The following COMMD8 variants were observed in gnomAD, a reference collection of about 807,000 sequenced individuals.
COMMD8 encodes the protein COMM domain-containing protein 8.
A neutral mutation model predicts 27.2 loss-of-function variants in COMMD8; 28 were observed. That is an observed-to-expected ratio of 1.03 (90% CI 0.76 to 1.41). The LOEUF is 1.41. Among genes scored for constraint, COMMD8 ranks in the 40% most tolerant of loss-of-function variants. The probability of loss-of-function intolerance (pLI) is 0.00; values close to 1 mark genes in which losing one functional copy is unlikely to be tolerated. For missense variants in COMMD8, 217 were observed against 211.2 expected, an observed-to-expected ratio of 1.03 and a Z score of -0.17; for synonymous variants, 79 against 75.5, an observed-to-expected ratio of 1.05 and a Z score of -0.24.
At position 47,463,639 on chromosome 4, in the gene COMMD8, CTT is replaced by C. The variant is rs1730135913; in HGVS notation, c.11_12del (p.Glu4GlyfsTer25). 6.5e-7 allele frequency: 1 copy of C among 1,549,212 alleles called. No individual in the cohort carries two copies. Among genetic ancestry groups the C allele is most frequent in the African/African-American group, 1.4e-5 (1 of 72,938 alleles). On this transcript the variant is annotated frameshift_variant, in exon 1 of 5. Transcript: ENST00000381571. LOFTEE classifies it high-confidence loss of function. The stretch of plus-strand genomic sequence containing the variant: ...TGCAGCCGCCACAAGGGCGTCCCCT[CTT>C]CCGGCTCCATCCCTGCGCGAAGCTG... MEP[E>X]EGTPLWRLQK...
chr4:47,462,055 G>A lies in COMMD8; in HGVS notation c.66+1531C>T, dbSNP rs189111855. Among the ~76,000 whole-genome samples the A allele has an allele frequency of 2.6e-5, 4 of 152,252 alleles. No homozygotes were observed. In the East Asian group the frequency reaches 7.7e-4, roughly 29 times the overall value. ...TTGGGGGGTGCCTAGGGGGTGACAG[G>A]AGACAAGGCTGGAGAGGTGGGTGGA... On this transcript the variant is annotated intron_variant, in intron 1 of 4. Coordinates refer to ENST00000381571, the MANE Select transcript of COMMD8 (RefSeq NM_017845.5).
At chr4:47,456,242 T>A (rs942334461) in intron 3 of COMMD8, among the ~76,000 whole-genome samples, 1 of 141,436 alleles carries the variant, frequency 7.1e-6, no homozygotes, top group African/African-American at 2.6e-5. Context: ...GCACGACTCT[T>A]GTCTCAAAAA....
chr4:47,454,691 C>A (rs1044630637), intron 3 of COMMD8, among the ~76,000 whole-genome samples: 8 of 151,784 alleles, frequency 5.3e-5, no homozygotes, highest in African/African-American at 1.9e-4. Context: ...CATGGCAAAA[C>A]CCCATCTCTA....
rs977558398 is a variant in COMMD8, at chr4:47,463,644, G to C, written c.8C>G (p.Pro3Arg). The change falls in exon 1 of 5, where the codon CCG becomes CGG. Residue 3 changes from proline to arginine, a missense_variant. Transcript: ENST00000381571. The stretch of plus-strand genomic sequence containing the variant: ...CCGCCACAAGGGCGTCCCCTCTTCC[G>C]GCTCCATCCCTGCGCGAAGCTGGGG... ME[P>R]EEGTPLWRLQ... The C allele has an allele frequency of 6.5e-7, 1 of 1,549,132 alleles. No individual in the cohort carries two copies. The highest frequency in any genetic ancestry group is 8.7e-7 in the Non-Finnish European group (1 of 1,146,236).
rs1729743979 is a variant in COMMD8 at position 47,451,226 on chromosome 4, A to T, written c.*419T>A. ...ACATTCTTTGAAAAAATTATTTTTTAAAAATATCACAAAGTATATATCCAT... is the reference window on the plus strand; with the variant it reads ...ACATTCTTTGAAAAAATTATTTTTTTAAAATATCACAAAGTATATATCCAT... On this transcript the variant is annotated 3_prime_UTR_variant, in exon 5 of 5. Transcript: ENST00000381571. 1.3e-5 allele frequency: 2 copies of T among 157,374 alleles called. No homozygotes were observed. Among genetic ancestry groups the T allele is most frequent in the African/African-American group, 4.8e-5 (2 of 41,506 alleles). 9.7% of individuals were successfully genotyped at this position (157,374 alleles called of 1,614,324 possible).
intron 4 of COMMD8, among the ~76,000 whole-genome samples, chr4:47,452,024 A>G (rs60707722): frequency 0.043 from 6,607 of 152,330 alleles, 464 homozygotes; most frequent in African/African-American, 0.15. Flanking sequence ...AAGGAGGATC[A>G]AGAAGATTAA....
chr4:47,451,583 T>C lies in COMMD8; in HGVS notation c.*62A>G. ...TCACAAGGTTTCTGAACACGCAGTA[T>C]TCACTCTGCCATATAAGTTGGAGCA... is the stretch of plus-strand genomic sequence containing the variant. On this transcript the variant is annotated 3_prime_UTR_variant, in exon 5 of 5. Transcript: ENST00000381571. The C allele has an allele frequency of 6.9e-6, 9 of 1,312,744 alleles. No individual in the cohort carries two copies. The South Asian group carries it at 9.5e-5, about 14-fold the overall frequency. 81.3% of individuals were successfully genotyped at this position (1,312,744 alleles called of 1,614,324 possible).
intron 3 of COMMD8, among the ~76,000 whole-genome samples, chr4:47,456,315 A>C (rs558360121): frequency 7.7e-6 from 1 of 129,610 alleles, no homozygotes; most frequent in Non-Finnish European, 1.6e-5. Flanking sequence ...TATGTTGACT[A>C]TATGCTGCCC....
intron 3 of COMMD8, among the ~76,000 whole-genome samples, chr4:47,455,275 C>T (rs1729859414): frequency 1.3e-5 from 2 of 152,174 alleles, no homozygotes. Flanking sequence ...CTTGGCTTCC[C>T]AAAGTGCTGG....
At chr4:47,454,979 ATAT>A (rs1729851765) in intron 3 of COMMD8, among the ~76,000 whole-genome samples, 4 of 151,976 alleles carry the variant, frequency 2.6e-5, no homozygotes, top group African/African-American at 9.6e-5. Flanking sequence ...CATTTCTCAT[ATAT>A]GCTACTATTA....
chr4:47,461,086 G>C (rs548220452), intron 1 of COMMD8, among the ~76,000 whole-genome samples: 1 of 152,272 alleles, frequency 6.6e-6, no homozygotes, highest in African/African-American at 2.4e-5. Context: ...GATGGAATAA[G>C]AATACGTGCA....
rs1729986851 is a variant in COMMD8, at chr4:47,460,173, T to C, written c.193A>G (p.Ile65Val). ...LEDIAKFFKA[I>V]VGKNLPDEEI... is the part of the protein sequence containing the mutation. ...TCATCAGGTAAGTTTTTACCAACTA[T>C]GGCTTTGAAAAATTTGGCAATATCT... Residue 65 changes from isoleucine (I) to valine (V), a missense_variant, in exon 2 of 5, where the codon ATA becomes GTA. By Grantham distance (29) the Ile-to-Val change is conservative (BLOSUM62 3). Coordinates refer to ENST00000381571, the MANE Select transcript of COMMD8 (RefSeq NM_017845.5). 2.5e-6 allele frequency: 4 copies of C among 1,613,586 alleles called. No homozygotes were observed. Among genetic ancestry groups the C allele is most frequent in the Middle Eastern group, 1.6e-4 (1 of 6,078 alleles).
intron 2 of COMMD8, 76 bp from the exon 3 acceptor site, chr4:47,456,805 C>A: frequency 9.3e-7 from 1 of 1,079,352 alleles, no homozygotes; most frequent in East Asian, 2.8e-5. Context: ...CTTTTGCACA[C>A]TTTTAAAGCA....
intron 2 of COMMD8, among the ~76,000 whole-genome samples, chr4:47,459,674 G>A (rs911079393): frequency 1.3e-5 from 2 of 152,090 alleles, no homozygotes; most frequent in South Asian, 4.1e-4. Context: ...TTTATTACAA[G>A]TTATACACTG....
chr4:47,458,549 T>C (rs1473301804), intron 2 of COMMD8, among the ~76,000 whole-genome samples: 1 of 152,058 alleles, frequency 6.6e-6, no homozygotes, highest in Non-Finnish European at 1.5e-5. Context: ...CTAATCTAAA[T>C]AAATAGAGGG....
intron 1 of COMMD8, 55 bp downstream of exon 1, chr4:47,463,531 C>G (rs939455126): frequency 6.7e-7 from 1 of 1,503,174 alleles, no homozygotes; most frequent in Non-Finnish European, 9.0e-7. Flanking sequence ...GATCCGCACG[C>G]CGGGCTGTCG....
At chr4:47,453,031 A>C (rs1729793050) in intron 4 of COMMD8, 28 bp downstream of exon 4, 3 of 1,571,890 alleles carry the variant, frequency 1.9e-6, no homozygotes, top group African/African-American at 2.7e-5. Context: ...TAAACATTCA[A>C]ATCATATGAC....
rs955578530 is a variant in COMMD8, at chr4:47,460,381, G to A, written c.67-82C>T. The A allele has an allele frequency of 3.4e-4, 408 of 1,189,090 alleles. 2 individuals carry two copies. Among genetic ancestry groups the A allele is most frequent in the Non-Finnish European group, 4.7e-4 (390 of 832,714 alleles). The allele number at this position is 1,189,090 out of a possible 1,614,324, so 73.7% of individuals were successfully genotyped here. A position where few individuals can be genotyped will look rare whatever the true frequency, so the allele number is the denominator to read the frequency against. ...TCTTCCTCTTAACAAACAAATGTTG[G>A]GAGATGTTCATGTTATCTGCAAGAC... On this transcript the variant is annotated intron_variant, in intron 1 of 4. Coordinates refer to ENST00000381571, the MANE Select transcript of COMMD8 (RefSeq NM_017845.5).
intron 1 of COMMD8, among the ~76,000 whole-genome samples, chr4:47,461,071 G>T (rs563087533): frequency 6.6e-6 from 1 of 152,146 alleles, no homozygotes; most frequent in Admixed American, 6.5e-5. Context: ...TAATCTTGCT[G>T]TAAGGATGGA....
Sources: allele counts gnomAD v4.1 joint callset (sites outside exome capture counted in the v4.1 genomes callset), GRCh38; gene constraint gnomAD v4.1.1; transcripts MANE v1.5; gene names NCBI Gene and HGNC (gene_info 2026-07-23, HGNC 2026-07-21).